Variants in LSAMP observed in about 807,000 individuals in gnomAD.
The protein encoded by LSAMP is limbic system-associated membrane protein.
LSAMP carries 7 observed loss-of-function variants against 38.6 expected under a neutral mutation model. The observed-to-expected ratio is 0.18, with a 90% CI of 0.10 to 0.34. The LOEUF is 0.34. Among genes scored for constraint, LSAMP ranks in the 10% least tolerant of loss-of-function variants. LSAMP has a pLI of 1.00. For missense variants in LSAMP, 313 were observed against 420.0 expected (o/e 0.75, Z 2.23); for synonymous variants, 154 against 166.8 (o/e 0.92, Z 0.59).
intron 2 of LSAMP, among the ~76,000 whole-genome samples, chr3:116,027,308 A>G (rs1228287545): frequency 6.6e-6 from 1 of 152,228 alleles, no homozygotes; most frequent in Non-Finnish European, 1.5e-5. Context: ...GTCATGAAAG[A>G]GTAACCACCT....
chr3:116,261,314 G>C (rs2046822464), intron 1 of LSAMP, among the ~76,000 whole-genome samples: 1 of 152,142 alleles, frequency 6.6e-6, no homozygotes, highest in South Asian at 2.1e-4. Context: ...AACCTAGAAG[G>C]GGGATGCCAG....
chr3:116,089,608 C>A (rs1274047553), intron 1 of LSAMP, among the ~76,000 whole-genome samples: 1 of 152,120 alleles, frequency 6.6e-6, no homozygotes, highest in Admixed American at 6.5e-5. Context: ...CCGCCCACCT[C>A]GGTCTCCCAA....
intron 3 of LSAMP, among the ~76,000 whole-genome samples, chr3:115,879,734 A>T (rs906027041): frequency 1.3e-5 from 2 of 151,482 alleles, no homozygotes; most frequent in Non-Finnish European, 2.9e-5. Context: ...GATGAGAAAT[A>T]ATGGCATCTT....
intron 2 of LSAMP, among the ~76,000 whole-genome samples, chr3:116,037,417 G>A (rs1186091419): frequency 6.6e-6 from 1 of 152,078 alleles, no homozygotes; most frequent in Admixed American, 6.6e-5. Context: ...TTCACTAAAT[G>A]CAAGGCTTCA....
chr3:116,435,382 G>T (rs1264651280), intron 1 of LSAMP, among the ~76,000 whole-genome samples: 1 of 152,146 alleles, frequency 6.6e-6, no homozygotes, highest in Admixed American at 6.5e-5. Context: ...TTCACCATCA[G>T]CTGATAACCT....
intron 3 of LSAMP, among the ~76,000 whole-genome samples, chr3:115,914,090 G>A (rs956170791): frequency 1.3e-5 from 2 of 152,134 alleles, no homozygotes; most frequent in African/African-American, 4.8e-5. Flanking sequence ...TGGCAGCTCC[G>A]CAGATACAAG....
chr3:116,027,462 A>G (rs1337813913), intron 2 of LSAMP, among the ~76,000 whole-genome samples: 2 of 152,126 alleles, frequency 1.3e-5, no homozygotes, highest in African/African-American at 4.8e-5. Context: ...TATTCTTCCA[A>G]TGGACCACCT....
chr3:116,359,440 C>T (rs1048158498), intron 1 of LSAMP, among the ~76,000 whole-genome samples: 2 of 152,160 alleles, frequency 1.3e-5, no homozygotes, highest in African/African-American at 4.8e-5. Context: ...TTGGTAAAAC[C>T]GACTGGATGT....
rs907370634 is a variant in LSAMP at position 116,422,187 on chromosome 3, C to T, written c.155+22690G>A. Among the ~76,000 whole-genome samples, 7 of 152,156 alleles carry T rather than the reference C, an allele frequency of 4.6e-5. No individual in the cohort carries two copies. The East Asian group carries it at 5.8e-4, about 13-fold the overall frequency. On this transcript the variant is annotated intron_variant, in intron 1 of 6. Transcript: ENST00000490035. ...CAAAGAAGCCAGATGCAAAATACTT[C>T]GTAGTGTATGATTCTATTTATATGA...
intron 1 of LSAMP, among the ~76,000 whole-genome samples, chr3:116,251,786 C>T (rs927159584): frequency 2.0e-5 from 3 of 152,174 alleles, no homozygotes; most frequent in Admixed American, 6.5e-5. Flanking sequence ...ACTTGCTTTT[C>T]TTACACAAGC....
intron 1 of LSAMP, among the ~76,000 whole-genome samples, chr3:116,390,970 T>C (rs556558210): frequency 1.3e-5 from 2 of 152,062 alleles, no homozygotes; most frequent in South Asian, 4.1e-4. Flanking sequence ...TGGGCTCTCC[T>C]TGGGCTGCTG....
At chr3:115,992,311 T>C (rs1559911467) in intron 3 of LSAMP, among the ~76,000 whole-genome samples, 1 of 151,836 alleles carries the variant, frequency 6.6e-6, no homozygotes, top group Non-Finnish European at 1.5e-5. Context: ...CAGAGGAGGG[T>C]AAGGGTGTCC....
chr3:116,098,232 C>T (rs991698020), intron 1 of LSAMP, among the ~76,000 whole-genome samples: 1 of 152,050 alleles, frequency 6.6e-6, no homozygotes, highest in Non-Finnish European at 1.5e-5. Context: ...GGCGCAGTGG[C>T]TCACGTCTGT....
intron 1 of LSAMP, among the ~76,000 whole-genome samples, chr3:116,395,679 G>C (rs1295144434): frequency 6.6e-6 from 1 of 152,094 alleles, no homozygotes; most frequent in African/African-American, 2.4e-5. Context: ...GGAAAACTAA[G>C]GTGTGACTAG....
At chr3:115,847,595 T>TG (rs1357601286) in intron 4 of LSAMP, among the ~76,000 whole-genome samples, 1 of 152,178 alleles carries the variant, frequency 6.6e-6, no homozygotes, top group African/African-American at 2.4e-5. Context: ...AATTGAATCA[T>TG]GGGGGCAGTT....
At chr3:116,441,778 TCTCA>T (rs1351912819) in intron 1 of LSAMP, among the ~76,000 whole-genome samples, 3 of 152,134 alleles carry the variant, frequency 2.0e-5, no homozygotes, top group African/African-American at 7.2e-5. Flanking sequence ...GATAAGCGTG[TCTCA>T]CTCTTTCCTG....
chr3:116,135,230 A>G (rs1457543110), intron 1 of LSAMP, among the ~76,000 whole-genome samples: 4 of 152,170 alleles, frequency 2.6e-5, no homozygotes, highest in Non-Finnish European at 5.9e-5. Context: ...AAACATCACC[A>G]TCCATGTATC....
chr3:116,275,658 G>C (rs1444792573), intron 1 of LSAMP, among the ~76,000 whole-genome samples: 1 of 151,980 alleles, frequency 6.6e-6, no homozygotes, highest in East Asian at 1.9e-4. Context: ...CCAGACGTTT[G>C]CAGGCGGGAC....
intron 2 of LSAMP, among the ~76,000 whole-genome samples, chr3:116,082,162 G>A (rs575062471): frequency 1.3e-5 from 2 of 152,224 alleles, no homozygotes; most frequent in South Asian, 2.1e-4. Flanking sequence ...AGTTTTTGGA[G>A]CCAGTATTCC....
Sources: gnomAD v4.1 joint callset for allele counts (sites outside exome capture counted in the v4.1 genomes callset) on GRCh38, gnomAD v4.1.1 for gene constraint, MANE v1.5 for transcripts, NCBI Gene and HGNC (gene_info 2026-07-23, HGNC 2026-07-21) for gene names.